ADGRL2: variants seen among roughly 807,000 people sequenced by gnomAD.
ADGRL2 encodes adhesion G protein-coupled receptor L2, also known as calcium-independent alpha-latrotoxin receptor 2.
ADGRL2 carries 44 observed loss-of-function variants against 157.4 expected under a neutral mutation model. The observed-to-expected ratio is 0.28, with a 90% CI of 0.22 to 0.36. The LOEUF (loss-of-function observed/expected upper bound fraction) is 0.36, where lower values mean the gene tolerates loss of function less well. Among genes scored for constraint, ADGRL2 ranks in the 10% least tolerant of loss-of-function variants. The probability of loss-of-function intolerance (pLI) is 1.00; values close to 1 mark genes in which losing one functional copy is unlikely to be tolerated. For synonymous variants in ADGRL2, 585 were observed against 624.7 expected (o/e 0.94, Z 0.95); for missense variants, 1,510 against 1,768.9 (o/e 0.85, Z 2.63).
intron 1 of ADGRL2, among the ~76,000 whole-genome samples, chr1:81,374,222 C>T (rs751777864): frequency 6.6e-6 from 1 of 152,142 alleles, no homozygotes; most frequent in Non-Finnish European, 1.5e-5. Context: ...TTAAAGCACA[C>T]AACAAAGCCC....
chr1:81,646,013 C>T (rs907679112), intron 3 of ADGRL2, among the ~76,000 whole-genome samples: 5 of 152,144 alleles, frequency 3.3e-5, no homozygotes, highest in African/African-American at 1.2e-4. Context: ...TTAAGTCACT[C>T]TAAGGGATAA....
intron 3 of ADGRL2, among the ~76,000 whole-genome samples, chr1:81,592,608 A>G (rs772721302): frequency 9.2e-5 from 14 of 152,224 alleles, no homozygotes; most frequent in Non-Finnish European, 1.6e-4. Flanking sequence ...AAGGATTCTT[A>G]TAAAACTAAT....
Position 81,943,345 on chromosome 1 carries a change from G to A in ADGRL2, c.786G>A (p.Trp262Ter). 6.2e-7 allele frequency: 1 copy of A among 1,613,608 alleles called. No homozygotes were observed. The highest frequency in any genetic ancestry group is 8.5e-7 in the Non-Finnish European group (1 of 1,179,708). The change falls in exon 6 of 24, where the codon TGG becomes TGA. Residue 262 changes from tryptophan (W) to a stop codon, truncating the protein, a stop_gained. Coordinates refer to ENST00000686636, the MANE Select transcript of ADGRL2 (RefSeq NM_001366006.2). LOFTEE classifies it high-confidence loss of function. The surrounding 1 kb of genome is among the most constrained non-coding windows in gnomAD (Gnocchi z 5.6). The stretch of plus-strand genomic sequence containing the variant: ...ACCATGATACCTCACCATACAGATG[G>A]GGAGGAAAGACTGATATCGACCTAG... ...ANYHDTSPYRWGGKTDIDLAV... is the reference protein window; with the variant it reads ...ANYHDTSPYR
At position 81,369,272 on chromosome 1, in the gene ADGRL2, A is replaced by G. The variant is rs369790456; in HGVS notation, c.-302+62763A>G. On this transcript the variant is annotated intron_variant, in intron 1 of 24. Transcript: ENST00000370721. ...TGCACAAGCATATATTTAGGGATTCATAGCATAGAACCCAGCAGTTGGGAG... is the reference window on the plus strand; with the variant it reads ...TGCACAAGCATATATTTAGGGATTCGTAGCATAGAACCCAGCAGTTGGGAG... Among the ~76,000 whole-genome samples, 21 of 152,278 alleles carry G rather than the reference A, an allele frequency of 1.4e-4. No homozygotes were observed. The East Asian group carries it at 2.1e-3, about 15-fold the overall frequency.
At position 81,975,395 on chromosome 1, in the gene ADGRL2, C is replaced by T. The variant is rs578000092; in HGVS notation, c.3021+3477C>T. 2.0e-3 allele frequency among the ~76,000 whole-genome samples: 303 copies of T among 152,084 alleles called. 2 individuals are homozygous for T. Among genetic ancestry groups the T allele is most frequent in the Non-Finnish European group, 2.1e-3 (145 of 68,006 alleles). The stretch of plus-strand genomic sequence containing the variant: ...ATGTTTAAACTTCGTAGTATTTACA[C>T]TGAAAAGAAAAAACAAAGAGCAAGA... On this transcript the variant is annotated intron_variant, in intron 17 of 23. Coordinates refer to ENST00000686636, the MANE Select transcript of ADGRL2 (RefSeq NM_001366006.2).
intron 1 of ADGRL2, among the ~76,000 whole-genome samples, chr1:81,407,335 C>T (rs1235142274): frequency 1.3e-5 from 2 of 152,212 alleles, no homozygotes; most frequent in African/African-American, 4.8e-5. Context: ...CCTTCACCCC[C>T]TCCCGCAAAC....
chr1:81,464,692 C>T (rs981457538), intron 2 of ADGRL2, among the ~76,000 whole-genome samples: 1 of 152,136 alleles, frequency 6.6e-6, no homozygotes, highest in Non-Finnish European at 1.5e-5. Context: ...CAGAACAAGT[C>T]TATAAGGCAT....
intron 2 of ADGRL2, among the ~76,000 whole-genome samples, chr1:81,574,171 G>A (rs12120628): frequency 0.084 from 12,482 of 149,426 alleles, 612 homozygotes; most frequent in African/African-American, 0.12. Flanking sequence ...ATTCCTATAG[G>A]CTTAAGCAGG....
chr1:81,712,533 G>A (rs1001732993), intron 1 of ADGRL2, among the ~76,000 whole-genome samples: 4 of 152,004 alleles, frequency 2.6e-5, no homozygotes, highest in Non-Finnish European at 5.9e-5. Context: ...TTAAGACCGA[G>A]ACACTGAGGA....
intron 23 of ADGRL2, among the ~76,000 whole-genome samples, chr1:81,989,493 T>G (rs531370474): frequency 6.6e-6 from 1 of 152,284 alleles, no homozygotes; most frequent in South Asian, 2.1e-4. Flanking sequence ...TTAGAGAGAT[T>G]ATTAGTACCA....
intron 3 of ADGRL2, among the ~76,000 whole-genome samples, chr1:81,665,007 T>C (rs1306952754): frequency 6.6e-6 from 1 of 152,080 alleles, no homozygotes; most frequent in South Asian, 2.1e-4. Flanking sequence ...GTGGATCTCA[T>C]AGTCAGAGAA....
intron 14 of ADGRL2, 21 bp from the exon 15 acceptor site, chr1:81,969,157 C>T (rs1657989336): frequency 1.3e-6 from 2 of 1,557,736 alleles, no homozygotes; most frequent in Non-Finnish European, 1.8e-6. Context: ...ACTAATGTTC[C>T]TCATATCTTT....
At chr1:81,603,554 A>C (rs1018231700) in intron 3 of ADGRL2, among the ~76,000 whole-genome samples, 2 of 152,236 alleles carry the variant, frequency 1.3e-5, no homozygotes, top group South Asian at 4.1e-4. Context: ...GACAAATTTT[A>C]AAACTGCAAA....
intron 2 of ADGRL2, among the ~76,000 whole-genome samples, chr1:81,538,315 C>T (rs1570430788): frequency 1.3e-5 from 2 of 152,196 alleles, no homozygotes; most frequent in African/African-American, 4.8e-5. Flanking sequence ...GCTGTGCCAT[C>T]TTAGAGACAC....
At chr1:81,876,004 C>T (rs9943114) in intron 2 of ADGRL2, among the ~76,000 whole-genome samples, 1 of 151,956 alleles carries the variant, frequency 6.6e-6, no homozygotes, top group Admixed American at 6.6e-5. Context: ...AAGTCTTTTT[C>T]TAAGAGTCTA....
chr1:81,873,024 A>G lies in ADGRL2; in HGVS notation c.74-33993A>G, dbSNP rs939967286. The stretch of plus-strand genomic sequence containing the variant: ...AGCAAATTTATAGTATGAAATCAGT[A>G]TATAGAATGTAGTTTAAAATGAAAA... On this transcript the variant is annotated intron_variant, in intron 2 of 23. Coordinates refer to ENST00000686636, the MANE Select transcript of ADGRL2 (RefSeq NM_001366006.2). 3.3e-5 allele frequency among the ~76,000 whole-genome samples: 5 copies of G among 152,274 alleles called. No individual in the cohort carries two copies. The South Asian group carries it at 8.3e-4, about 25-fold the overall frequency.
At chr1:81,850,827 C>T (rs2092978200) in intron 2 of ADGRL2, among the ~76,000 whole-genome samples, 1 of 90,076 alleles carries the variant, frequency 1.1e-5, no homozygotes, top group Non-Finnish European at 2.3e-5. Flanking sequence ...GTTGTTGTTG[C>T]TGTTGTTACC....
At chr1:81,711,312 C>A (rs1398748885) in intron 1 of ADGRL2, among the ~76,000 whole-genome samples, 1 of 152,164 alleles carries the variant, frequency 6.6e-6, no homozygotes, top group Admixed American at 6.5e-5. Context: ...ATCTGAATAA[C>A]CATCGTTTGT....
chr1:81,393,236 C>T (rs138897641), intron 1 of ADGRL2, among the ~76,000 whole-genome samples: 214 of 151,960 alleles, frequency 1.4e-3, no homozygotes, highest in Non-Finnish European at 2.5e-3. Context: ...CAGAAATTCT[C>T]AGCAAGCGAT....
Sources: allele counts gnomAD v4.1 joint callset (sites outside exome capture counted in the v4.1 genomes callset), GRCh38; gene constraint gnomAD v4.1.1; non-coding constraint Gnocchi (gnomAD v3.1); transcripts MANE v1.5; gene names NCBI Gene and HGNC (gene_info 2026-07-23, HGNC 2026-07-21).